The following ERICH6 variants were observed in gnomAD, a reference collection of about 807,000 sequenced individuals.
ERICH6 encodes glutamate rich 6.
In ERICH6, 71 loss-of-function variants were observed where a neutral mutation model predicts 71.0. The ratio of observed to expected loss-of-function variants is 1.00; its 90% CI spans 0.83 to 1.22. ERICH6 has a LOEUF of 1.22. Among genes scored for constraint, ERICH6 ranks in the 50% most tolerant of loss-of-function variants. ERICH6 has a pLI of 0.00. For missense variants in ERICH6, 808 were observed against 797.2 expected, an observed-to-expected ratio of 1.01 and a Z score of -0.16; for synonymous variants, 262 against 278.4, an observed-to-expected ratio of 0.94 and a Z score of 0.59.
intron 2 of ERICH6, among the ~76,000 whole-genome samples, chr3:150,701,339 T>G (rs1712861680): frequency 1.3e-5 from 2 of 151,946 alleles, no homozygotes; most frequent in Admixed American, 1.3e-4. Context: ...AATACACATG[T>G]CAGAAATTGA....
chr3:150,672,852 C>T (rs768152758), intron 11 of ERICH6, among the ~76,000 whole-genome samples: 4 of 151,640 alleles, frequency 2.6e-5, no homozygotes, highest in Non-Finnish European at 5.9e-5. Flanking sequence ...TAGAGAGACC[C>T]CATCTCTACC....
intron 10 of ERICH6, among the ~76,000 whole-genome samples, chr3:150,677,963 T>C (rs1171606386): frequency 6.6e-6 from 1 of 152,216 alleles, no homozygotes; most frequent in African/African-American, 2.4e-5. Context: ...TGCAGTACAG[T>C]AGCCATTAGT....
chr3:150,682,318 T>C lies in ERICH6; in HGVS notation c.784-2A>G. 1 of 1,610,402 alleles carries C rather than the reference T, an allele frequency of 6.2e-7. No homozygotes were observed. Among genetic ancestry groups the C allele is most frequent in the Non-Finnish European group, 8.5e-7 (1 of 1,178,966 alleles). ...GGGTGATGTCTCCTCCTCTTCATCC[T>C]TCAGAGAGAGAGGAAAAAAATTAAA... is the stretch of plus-strand genomic sequence containing the variant. On this transcript the variant is annotated splice_acceptor_variant, in intron 6 of 13. Coordinates refer to ENST00000295910, the MANE Select transcript of ERICH6 (RefSeq NM_152394.5). LOFTEE classifies it high-confidence loss of function.
intron 1 of ERICH6, 92 bp from the exon 2 acceptor site, chr3:150,702,270 CTTTTTTT>C (rs63679260): frequency 6.0e-4 from 99 of 163,836 alleles, no homozygotes; most frequent in Middle Eastern, 3.2e-3. Context: ...TGTCTGGAGA[CTTTTTTT>C]TTTTTTTTTT....
intron 13 of ERICH6, among the ~76,000 whole-genome samples, chr3:150,665,515 CAA>C (rs59227415): frequency 1.6e-5 from 1 of 63,472 alleles, no homozygotes; most frequent in Non-Finnish European, 2.6e-5. Context: ...GACTCCATCT[CAA>C]AAAAAAAAAA....
At chr3:150,699,684 C>A (rs919577573) in intron 2 of ERICH6, among the ~76,000 whole-genome samples, 5 of 148,632 alleles carry the variant, frequency 3.4e-5, no homozygotes, top group Non-Finnish European at 3.0e-5. Context: ...CAAAGGAGAA[C>A]TTTAATATAT....
intron 11 of ERICH6, among the ~76,000 whole-genome samples, chr3:150,673,478 C>A (rs982852746): frequency 6.6e-6 from 1 of 151,318 alleles, no homozygotes; most frequent in Admixed American, 6.6e-5. Context: ...CGTAAGCCAC[C>A]ACACTAAGTT....
rs1300784608 is a variant in ERICH6, at chr3:150,684,079, T to TG, written c.783+1662dup. 5.3e-5 allele frequency among the ~76,000 whole-genome samples: 8 copies of TG among 151,962 alleles called. No individual in the cohort carries two copies. In the South Asian group the frequency reaches 1.7e-3, roughly 32 times the overall value. On this transcript the variant is annotated intron_variant, in intron 6 of 13. Coordinates refer to ENST00000295910, the MANE Select transcript of ERICH6 (RefSeq NM_152394.5). The stretch of plus-strand genomic sequence containing the variant: ...CCTTTGTGGTGCAGAAAAAGGAAGG[T>TG]GCTACATTTAAATAAAGAATTTCAG...
intron 2 of ERICH6, among the ~76,000 whole-genome samples, 192 bp downstream of exon 2, chr3:150,701,929 G>A (rs1712883539): frequency 6.6e-6 from 1 of 152,054 alleles, no homozygotes; most frequent in Non-Finnish European, 1.5e-5. Context: ...TCTAGAGCTA[G>A]GTAATAAGCT....
At chr3:150,680,221 T>C (rs1711845169) in intron 9 of ERICH6, among the ~76,000 whole-genome samples, 1 of 152,210 alleles carries the variant, frequency 6.6e-6, no homozygotes, top group Non-Finnish European at 1.5e-5. Context: ...TAAAAATTTT[T>C]CAATACTACT....
chr3:150,662,338 A>AAACAATG (rs1262916872), intron 13 of ERICH6, among the ~76,000 whole-genome samples: 1 of 152,216 alleles, frequency 6.6e-6, no homozygotes, highest in Non-Finnish European at 1.5e-5. Context: ...GAAATACTAG[A>AAACAATG]AACAATGAAC....
intron 6 of ERICH6, among the ~76,000 whole-genome samples, chr3:150,683,646 A>T (rs1712058211): frequency 6.6e-6 from 1 of 152,062 alleles, no homozygotes; most frequent in Non-Finnish European, 1.5e-5. Flanking sequence ...CCCAGCTACT[A>T]GGGAGGCTAA....
intron 13 of ERICH6, among the ~76,000 whole-genome samples, chr3:150,661,072 G>GC (rs1180393004): frequency 6.6e-6 from 1 of 152,094 alleles, no homozygotes; most frequent in Non-Finnish European, 1.5e-5. Context: ...TTATCCCCCT[G>GC]CCCCCACCTT....
rs1393598116 is a variant in ERICH6 at position 150,682,252 on chromosome 3, GA to G, written c.847del (p.Ser283LeufsTer22). ...FCGSDLRAFFSNVDVSSEPKG... is the reference protein window; with the variant it reads ...FCGSDLRAFFXNVDVSSEPKG... ...TGGTTCAGAGGAAACATCCACATTA[GA>G]AAAAAATGCTCTTAGATCGCTGCCA... On this transcript the variant is annotated frameshift_variant, in exon 7 of 14. Transcript: ENST00000295910. LOFTEE classifies it high-confidence loss of function. 1 of 1,613,764 alleles carries G rather than the reference GA, an allele frequency of 6.2e-7. No individual in the cohort carries two copies.
intron 7 of ERICH6, among the ~76,000 whole-genome samples, chr3:150,681,299 C>T (rs977034435): frequency 1.3e-5 from 2 of 152,186 alleles, no homozygotes; most frequent in Non-Finnish European, 2.9e-5. Context: ...CAACATGTGG[C>T]ACTCTTTATG....
intron 8 of ERICH6, 92 bp downstream of exon 8, chr3:150,680,681 G>GT (rs1711873165): frequency 6.4e-7 from 1 of 1,552,932 alleles, no homozygotes; most frequent in Admixed American, 2.0e-5. Context: ...CATCTTCAAA[G>GT]TTATATATCT....
intron 10 of ERICH6, among the ~76,000 whole-genome samples, chr3:150,676,146 T>C (rs896812233): frequency 9.2e-5 from 14 of 152,066 alleles, no homozygotes; most frequent in African/African-American, 3.4e-4. Context: ...ATCCCCATAA[T>C]GAGTTTTGAT....
chr3:150,670,810 C>A (rs1711499204), intron 11 of ERICH6, among the ~76,000 whole-genome samples: 1 of 152,156 alleles, frequency 6.6e-6, no homozygotes, highest in Non-Finnish European at 1.5e-5. Context: ...AATTCACTAA[C>A]TCTTAATACT....
rs376710530 is a variant in ERICH6, at chr3:150,687,882, C to T, written c.554-1528G>A. ...CCTGTAATCCCAGAACTCTGGGAGG[C>T]CAAGGTGGGGAGATTACTTGAGTAC... On this transcript the variant is annotated intron_variant, in intron 3 of 13. Transcript: ENST00000295910. Among the ~76,000 whole-genome samples the T allele has an allele frequency of 1.8e-4, 28 of 152,200 alleles. No homozygotes were observed. In the East Asian group the frequency reaches 3.7e-3, roughly 20 times the overall value.
Sources: allele counts gnomAD v4.1 joint callset (sites outside exome capture counted in the v4.1 genomes callset), GRCh38; gene constraint gnomAD v4.1.1; transcripts MANE v1.5; gene names NCBI Gene and HGNC (gene_info 2026-07-23, HGNC 2026-07-21).